The following PLPPR4 variants were observed in gnomAD, a reference collection of about 807,000 sequenced individuals.
The protein encoded by PLPPR4 is phospholipid phosphatase related 4.
PLPPR4 carries 24 observed loss-of-function variants against 56.6 expected under a neutral mutation model. The ratio of observed to expected loss-of-function variants is 0.42; its 90% CI spans 0.31 to 0.60. PLPPR4 has a LOEUF of 0.60. Among genes scored for constraint, PLPPR4 ranks in the 20% least tolerant of loss-of-function variants. The probability of loss-of-function intolerance (pLI) is 0.13; values close to 1 mark genes in which losing one functional copy is unlikely to be tolerated. For synonymous variants in PLPPR4, 326 were observed against 328.1 expected, an observed-to-expected ratio of 0.99 and a Z score of 0.07; for missense variants, 654 against 885.8, an observed-to-expected ratio of 0.74 and a Z score of 3.32.
chr1:99,295,934 T>A (rs1196777476), intron 2 of PLPPR4, among the ~76,000 whole-genome samples: 1 of 152,164 alleles, frequency 6.6e-6, no homozygotes, highest in Non-Finnish European at 1.5e-5. Flanking sequence ...TAGACGGAGA[T>A]GTGATTCAAT....
intron 1 of PLPPR4, among the ~76,000 whole-genome samples, chr1:99,283,369 G>A (rs575502394): frequency 1.3e-5 from 2 of 152,126 alleles, no homozygotes; most frequent in Non-Finnish European, 2.9e-5. Flanking sequence ...CAAGTAAGCT[G>A]TCTGATCTAG....
intron 1 of PLPPR4, among the ~76,000 whole-genome samples, chr1:99,270,660 A>G (rs1419915893): frequency 6.6e-6 from 1 of 152,224 alleles, no homozygotes; most frequent in Non-Finnish European, 1.5e-5. Flanking sequence ...TATATAACTC[A>G]TTTGATTTTC....
chr1:99,290,735 G>T (rs962123087), intron 2 of PLPPR4, among the ~76,000 whole-genome samples: 4 of 152,088 alleles, frequency 2.6e-5, no homozygotes, highest in African/African-American at 9.7e-5. Flanking sequence ...TAACTGGCTA[G>T]CCATATGCAG....
chr1:99,304,740 T>G (rs1397578630), intron 6 of PLPPR4, among the ~76,000 whole-genome samples: 1 of 152,198 alleles, frequency 6.6e-6, no homozygotes, highest in African/African-American at 2.4e-5. Flanking sequence ...AAATCAATAT[T>G]TTTTTGTTTT....
At chr1:99,284,113 C>G (rs923098616) in intron 1 of PLPPR4, among the ~76,000 whole-genome samples, 1 of 152,070 alleles carries the variant, frequency 6.6e-6, no homozygotes, top group Non-Finnish European at 1.5e-5. Context: ...CGAAACAAGT[C>G]TGTGTAATTT....
intron 1 of PLPPR4, among the ~76,000 whole-genome samples, chr1:99,266,683 A>G (rs1310384993): frequency 1.3e-5 from 2 of 152,250 alleles, no homozygotes; most frequent in Non-Finnish European, 2.9e-5. Context: ...TTAAATGAGC[A>G]TTGATGACAC....
At chr1:99,269,458 G>T (rs1257173057) in intron 1 of PLPPR4, among the ~76,000 whole-genome samples, 1 of 152,298 alleles carries the variant, frequency 6.6e-6, no homozygotes, top group South Asian at 2.1e-4. Context: ...ATGTGATAAG[G>T]CTGGTTGTCT....
At chr1:99,276,877 G>T (rs1051416100) in intron 1 of PLPPR4, among the ~76,000 whole-genome samples, 4 of 152,128 alleles carry the variant, frequency 2.6e-5, no homozygotes, top group Admixed American at 2.6e-4. Flanking sequence ...ACTGTGAAAT[G>T]GATGCCTAAT....
intron 1 of PLPPR4, among the ~76,000 whole-genome samples, chr1:99,271,899 A>AGTGTGTGTGTGT (rs553822029): frequency 5.1e-5 from 6 of 117,954 alleles, no homozygotes; most frequent in African/African-American, 1.9e-4. Flanking sequence ...GTAGGAGTGA[A>AGTGTGTGTGTGT]GTGTGTGTGT....
intron 1 of PLPPR4, among the ~76,000 whole-genome samples, chr1:99,282,998 T>TTA (rs1471980748): frequency 1.4e-5 from 2 of 148,008 alleles, no homozygotes; most frequent in East Asian, 1.9e-4. Flanking sequence ...ATAATATATA[T>TTA]TATATATATG....
At chr1:99,281,152 T>TA (rs1193961532) in intron 1 of PLPPR4, among the ~76,000 whole-genome samples, 8 of 152,020 alleles carry the variant, frequency 5.3e-5, no homozygotes, top group Non-Finnish European at 8.8e-5. Context: ...GATGGCAATG[T>TA]AAAAAAACCC....
chr1:99,280,352 G>T (rs996862220), intron 1 of PLPPR4, among the ~76,000 whole-genome samples: 6 of 152,000 alleles, frequency 3.9e-5, no homozygotes, highest in African/African-American at 9.7e-5. Context: ...TGAATATAGC[G>T]ATCTTTTAAA....
chr1:99,286,641 G>C (rs968083754), intron 1 of PLPPR4, among the ~76,000 whole-genome samples: 3 of 152,116 alleles, frequency 2.0e-5, no homozygotes, highest in African/African-American at 4.8e-5. Flanking sequence ...GTAGTATAAA[G>C]AGCCAGAAAA....
intron 3 of PLPPR4, chr1:99,298,801 C>T: frequency 1.6e-6 from 1 of 621,052 alleles, no homozygotes; most frequent in East Asian, 2.7e-5. Context: ...GGCACTTTAT[C>T]ACCAAATTAA....
At chr1:99,302,028 C>A in intron 6 of PLPPR4, 131 bp downstream of exon 6, 1 of 544,828 alleles carries the variant, frequency 1.8e-6, no homozygotes, top group Non-Finnish European at 3.0e-6. Context: ...CATCTCCATT[C>A]TATGCCAAAA....
In PLPPR4 at chr1:99,306,629, G is replaced by C. The variant is rs201385642; in HGVS notation, c.1767G>C (p.Pro589=). 1 of 1,614,106 alleles carries C rather than the reference G, an allele frequency of 6.2e-7. No individual in the cohort carries two copies. Among genetic ancestry groups the C allele is most frequent in the Non-Finnish European group, 8.5e-7 (1 of 1,180,020 alleles). Residue 589 remains proline (P), a synonymous_variant, in exon 7 of 7, where the codon CCG becomes CCC. Coordinates refer to ENST00000370185, the MANE Select transcript of PLPPR4 (RefSeq NM_014839.5). The surrounding 1 kb of genome is among the most constrained non-coding windows in gnomAD (Gnocchi z 4.0). ...ACAACAGGCCCATCATACAGATCCC[G>C]TCCACTGAAGGTGAAGGCAGTGGCT... ...PENNRPIIQI[P]STEGEGSGSW...
At chr1:99,303,099 T>C (rs959565486) in intron 6 of PLPPR4, among the ~76,000 whole-genome samples, 6 of 152,042 alleles carry the variant, frequency 3.9e-5, no homozygotes, top group African/African-American at 1.4e-4. Context: ...ACAAAAGTGA[T>C]GTGTATGTGT....
Position 99,307,363 on chromosome 1 carries a change from G to C in PLPPR4, c.*353G>C, listed in dbSNP as rs1360826239. The C allele has an allele frequency of 1.3e-5, 3 of 232,370 alleles. No individual in the cohort carries two copies. Among genetic ancestry groups the C allele is most frequent in the Non-Finnish European group, 2.5e-5 (3 of 118,166 alleles). The allele number at this position is 232,370 out of a possible 1,614,324, so 14.4% of individuals were successfully genotyped here. A position where few individuals can be genotyped will look rare whatever the true frequency, so the allele number is the denominator to read the frequency against. The stretch of plus-strand genomic sequence containing the variant: ...CTTTGGGGATTTTTCTTTATAGTGA[G>C]CTGTGGGAACCCAGAACACACACGT... On this transcript the variant is annotated 3_prime_UTR_variant, in exon 7 of 7. Transcript: ENST00000370185.
At chr1:99,281,529 A>G (rs1273324307) in intron 1 of PLPPR4, among the ~76,000 whole-genome samples, 1 of 152,176 alleles carries the variant, frequency 6.6e-6, no homozygotes, top group Non-Finnish European at 1.5e-5. Flanking sequence ...ATATACCATA[A>G]AGCCTAATAT....
Sources: allele counts gnomAD v4.1 joint callset (sites outside exome capture counted in the v4.1 genomes callset), GRCh38; gene constraint gnomAD v4.1.1; non-coding constraint Gnocchi (gnomAD v3.1); transcripts MANE v1.5; gene names NCBI Gene and HGNC (gene_info 2026-07-23, HGNC 2026-07-21).